The following ZNF131 variants were observed in gnomAD, a reference collection of about 807,000 sequenced individuals.
ZNF131 encodes the protein zinc finger protein 131.
Under a neutral mutation model 60.0 loss-of-function variants are expected in ZNF131, and 7 were observed. That is an observed-to-expected ratio of 0.12 (90% CI 0.07 to 0.22). The LOEUF is 0.22. Among genes scored for constraint, ZNF131 ranks in the 10% least tolerant of loss-of-function variants. The pLI is 1.00. For missense variants in ZNF131, 493 were observed against 740.9 expected, an observed-to-expected ratio of 0.67 and a Z score of 3.88; for synonymous variants, 257 against 253.2, an observed-to-expected ratio of 1.01 and a Z score of -0.14.
intron 4 of ZNF131, among the ~76,000 whole-genome samples, chr5:43,158,799 A>G (rs1561432271): frequency 6.6e-6 from 1 of 151,096 alleles, no homozygotes. Context: ...CTTCCCTCAA[A>G]TCCGATCAGT....
At chr5:43,147,889 C>T (rs531673588) in intron 4 of ZNF131, among the ~76,000 whole-genome samples, 1 of 150,618 alleles carries the variant, frequency 6.6e-6, no homozygotes, top group Non-Finnish European at 1.5e-5. Flanking sequence ...CCCACCTCTA[C>T]TAAAAATACA....
chr5:43,145,812 G>A (rs1211819458), intron 4 of ZNF131, among the ~76,000 whole-genome samples: 1 of 152,078 alleles, frequency 6.6e-6, no homozygotes, highest in East Asian at 1.9e-4. Context: ...GAGTGGCCAG[G>A]CAAGAGTTAA....
chr5:43,156,088 C>T (rs1561428448), intron 4 of ZNF131, among the ~76,000 whole-genome samples: 1 of 152,170 alleles, frequency 6.6e-6, no homozygotes, highest in African/African-American at 2.4e-5. Context: ...CCCTCTGGTA[C>T]TTATGGGATG....
intron 4 of ZNF131, among the ~76,000 whole-genome samples, chr5:43,140,533 C>CT (rs1272713799): frequency 3.3e-5 from 5 of 152,300 alleles, no homozygotes; most frequent in South Asian, 4.1e-4. Context: ...TCTGAGTACT[C>CT]TAAGTATGAA....
At chr5:43,124,703 C>T (rs1744286537) in intron 3 of ZNF131, 2 of 152,072 alleles carry the variant, frequency 1.3e-5, no homozygotes, top group Admixed American at 1.3e-4. Flanking sequence ...GTTACTTTAC[C>T]TCAATTGCAT....
intron 3 of ZNF131, among the ~76,000 whole-genome samples, chr5:43,128,635 C>CT (rs1744873806): frequency 7.9e-6 from 1 of 126,224 alleles, no homozygotes; most frequent in African/African-American, 3.1e-5. Context: ...CCAGCCTGGG[C>CT]GACAGAGCGA....
At chr5:43,165,159 T>A (rs1750193770) in intron 5 of ZNF131, among the ~76,000 whole-genome samples, 1 of 151,846 alleles carries the variant, frequency 6.6e-6, no homozygotes, top group Non-Finnish European at 1.5e-5. Context: ...CCACGTTGCC[T>A]AGGCTTGGAA....
At chr5:43,160,022 A>C (rs533963529) in intron 4 of ZNF131, among the ~76,000 whole-genome samples, 1 of 152,094 alleles carries the variant, frequency 6.6e-6, no homozygotes, top group South Asian at 2.1e-4. Flanking sequence ...TAAAAATACA[A>C]AATATTAGCT....
At chr5:43,122,239 C>T in intron 2 of ZNF131, 62 bp downstream of exon 2, 3 of 1,155,624 alleles carry the variant, frequency 2.6e-6, no homozygotes, top group South Asian at 1.5e-5. Flanking sequence ...GTCCTTCGGA[C>T]ACCCGCCTTT....
intron 1 of ZNF131, among the ~76,000 whole-genome samples, 190 bp downstream of exon 1, chr5:43,121,313 C>T (rs1026977125): frequency 2.6e-5 from 4 of 152,210 alleles, no homozygotes; most frequent in Non-Finnish European, 5.9e-5. Context: ...TTCCCAGCTT[C>T]TGGCCCTGCC....
At chr5:43,137,203 C>G (rs1746227437) in intron 3 of ZNF131, among the ~76,000 whole-genome samples, 1 of 152,056 alleles carries the variant, frequency 6.6e-6, no homozygotes, top group Non-Finnish European at 1.5e-5. Context: ...GAAAATAAGA[C>G]AGGTGGGACT....
In ZNF131 at chr5:43,175,227, T is replaced by A; in HGVS notation, c.*94T>A. 2 of 1,260,686 alleles carry A rather than the reference T, an allele frequency of 1.6e-6. No individual in the cohort carries two copies. Among genetic ancestry groups the A allele is most frequent in the Non-Finnish European group, 1.1e-6 (1 of 926,482 alleles). The allele number at this position is 1,260,686 out of a possible 1,614,324, so 78.1% of individuals were successfully genotyped here. A position where few individuals can be genotyped will look rare whatever the true frequency, so the allele number is the denominator to read the frequency against. ...TCCTTAATTAAGCCTAACAGACAAG[T>A]GGACCAAAGTTAAGCTGTTTCCTGT... On this transcript the variant is annotated 3_prime_UTR_variant, in exon 7 of 7. Transcript: ENST00000682664.
chr5:43,122,246 CTTTTTTTTTTTTT>C lies in ZNF131; in HGVS notation c.124+80_124+92del, dbSNP rs35497367. The C allele has an allele frequency of 2.8e-5, 29 of 1,032,122 alleles. 2 individuals carry two copies. Among genetic ancestry groups the C allele is most frequent in the Middle Eastern group, 3.4e-4 (1 of 2,932 alleles). 63.9% of individuals were successfully genotyped at this position (1,032,122 alleles called of 1,614,324 possible). ...TTTTTTCTGTCCTTCGGACACCCGC[CTTTTTTTTTTTTT>C]TTTTTTTTTTAACCCATCCTCTATG... On this transcript the variant is annotated intron_variant, in intron 2 of 6. Transcript: ENST00000682664.
In ZNF131 at chr5:43,125,785, A is replaced by G. The variant is rs529451556; in HGVS notation, c.226+2475A>G. ...ACAAGAGTGAAACTCCGTCTCAAAG[A>G]AAAAAAAAAGGAAAAGTGGCCCAAG... is the stretch of plus-strand genomic sequence containing the variant. On this transcript the variant is annotated intron_variant, in intron 3 of 6. Transcript: ENST00000682664. Among the ~76,000 whole-genome samples the G allele has an allele frequency of 9.0e-5, 13 of 144,576 alleles. No homozygotes were observed. The South Asian group carries it at 1.7e-3, about 19-fold the overall frequency. 94.8% of individuals were successfully genotyped at this position (144,576 alleles called of 152,430 possible). A position where few individuals can be genotyped will look rare whatever the true frequency, so the allele number is the denominator to read the frequency against.
rs775817959 is a variant in ZNF131 at position 43,173,439 on chromosome 5, C to T, written c.1176C>T (p.Tyr392=). 70 of 1,613,194 alleles carry T rather than the reference C, an allele frequency of 4.3e-5. 1 individual carries two copies. The highest frequency in any genetic ancestry group is 8.3e-5 in the Admixed American group (5 of 59,964). ...CAAAAAAAGGAAGGAAGAAGCTCTA[C>T]GAATGCCAGGTATGTGCAGATACAT... ...VGAKKGRKKL[Y]ECQVCNSVFN... is the part of the protein sequence containing the mutation. Residue 392 remains tyrosine (Y), a synonymous_variant, in exon 6 of 7, where the codon TAC becomes TAT. Transcript: ENST00000682664.
At chr5:43,137,649 A>G (rs1006012351) in intron 3 of ZNF131, among the ~76,000 whole-genome samples, 1 of 152,188 alleles carries the variant, frequency 6.6e-6, no homozygotes, top group Non-Finnish European at 1.5e-5. Flanking sequence ...TGGCAGGAAT[A>G]GGTGCAGCCA....
In ZNF131 at chr5:43,175,407, A is replaced by T. The variant is rs1228628965; in HGVS notation, c.*274A>T. ...ATTCTTATTATATAGTTGGGTACGAATGTATCTATTTTCATTGTGGTAAAA... is the reference window on the plus strand; with the variant it reads ...ATTCTTATTATATAGTTGGGTACGATTGTATCTATTTTCATTGTGGTAAAA... On this transcript the variant is annotated 3_prime_UTR_variant, in exon 7 of 7. Transcript: ENST00000682664. 1.4e-6 allele frequency: 1 copy of T among 694,758 alleles called. No homozygotes were observed. Among genetic ancestry groups the T allele is most frequent in the Non-Finnish European group, 2.6e-6 (1 of 383,930 alleles). 43.0% of individuals were successfully genotyped at this position (694,758 alleles called of 1,614,324 possible). A position where few individuals can be genotyped will look rare whatever the true frequency, so the allele number is the denominator to read the frequency against.
At position 43,122,119 on chromosome 5, in the gene ZNF131, C is replaced by G. The variant is rs1258847617; in HGVS notation, c.66C>G (p.Asp22Glu). The change falls in exon 2 of 7, where the codon GAC (aspartate) becomes GAG (glutamate). Residue 22 changes from aspartate to glutamate, a missense_variant. By Grantham distance (45) the Asp-to-Glu change is conservative. Transcript: ENST00000682664. ...CTGAACATCATAAAATGATCCTCGA[C>G]CGATTGAATGAACAGCGAGAGCAGG... ...EFPEHHKMIL[D>E]RLNEQREQDR... 1.2e-6 allele frequency: 2 copies of G among 1,614,094 alleles called. No individual in the cohort carries two copies. The highest frequency in any genetic ancestry group is 1.7e-6 in the Non-Finnish European group (2 of 1,180,022).
intron 4 of ZNF131, among the ~76,000 whole-genome samples, chr5:43,142,650 A>T (rs1747005232): frequency 4.9e-5 from 6 of 123,342 alleles, no homozygotes; most frequent in African/African-American, 9.4e-5. Flanking sequence ...CCCACCCCCT[A>T]CCTCCCCACC....
Sources: allele counts gnomAD v4.1 joint callset (sites outside exome capture counted in the v4.1 genomes callset), GRCh38; gene constraint gnomAD v4.1.1; transcripts MANE v1.5; gene names NCBI Gene and HGNC (gene_info 2026-07-23, HGNC 2026-07-21).